The following PPP3R1 variants were observed in gnomAD, a reference collection of about 807,000 sequenced individuals.
PPP3R1 encodes calcineurin subunit B type 1.
Under a neutral mutation model 22.6 loss-of-function variants are expected in PPP3R1, and 5 were observed. The observed-to-expected ratio is 0.22, with a 90% CI of 0.12 to 0.46. PPP3R1 has a LOEUF of 0.46. PPP3R1 is among the 20% of genes least tolerant of loss of function. The probability of loss-of-function intolerance (pLI) is 0.99; values close to 1 mark genes in which losing one functional copy is unlikely to be tolerated. For synonymous variants in PPP3R1, 56 were observed against 65.2 expected (o/e 0.86, Z 0.68); for missense variants, 61 against 203.2 (o/e 0.30, Z 4.25).
intron 2 of PPP3R1, among the ~76,000 whole-genome samples, 164 bp from the exon 3 acceptor site, chr2:68,188,854 T>C (rs963108368): frequency 1.3e-5 from 2 of 152,200 alleles, no homozygotes; most frequent in African/African-American, 2.4e-5. Context: ...AAAAGAGGTA[T>C]ATATTATGTT....
intron 5 of PPP3R1, among the ~76,000 whole-genome samples, chr2:68,181,983 A>G (rs1334880802): frequency 6.6e-6 from 1 of 151,946 alleles, no homozygotes; most frequent in African/African-American, 2.4e-5. Flanking sequence ...TAGGTCATAA[A>G]TGTCCACAGT....
intron 1 of PPP3R1, among the ~76,000 whole-genome samples, chr2:68,232,457 T>TA (rs1669936512): frequency 6.6e-6 from 1 of 150,772 alleles, no homozygotes; most frequent in Non-Finnish European, 1.5e-5. Context: ...AAAAAAATCT[T>TA]ATTTAGATTT....
At chr2:68,193,751 C>T (rs1338206427) in intron 2 of PPP3R1, among the ~76,000 whole-genome samples, 1 of 152,104 alleles carries the variant, frequency 6.6e-6, no homozygotes, top group East Asian at 1.9e-4. Context: ...TTAGCAATCA[C>T]CTACAAATTA....
intron 1 of PPP3R1, among the ~76,000 whole-genome samples, chr2:68,236,029 G>C (rs770046244): frequency 1.3e-5 from 2 of 152,082 alleles, no homozygotes; most frequent in Non-Finnish European, 2.9e-5. Context: ...CTTTTAAATT[G>C]AGTTGTCTTT....
At chr2:68,251,729 AAC>A (rs954318484) in intron 1 of PPP3R1, among the ~76,000 whole-genome samples, 1 of 152,086 alleles carries the variant, frequency 6.6e-6, no homozygotes, top group Non-Finnish European at 1.5e-5. Context: ...GAACTCGAAA[AAC>A]AGAGTGAGTG....
At chr2:68,241,384 T>C (rs1201616815) in intron 1 of PPP3R1, among the ~76,000 whole-genome samples, 1 of 152,204 alleles carries the variant, frequency 6.6e-6, no homozygotes, top group East Asian at 1.9e-4. Context: ...CAACTGTATA[T>C]GTCACAATTT....
chr2:68,249,307 T>C (rs1670293460), intron 1 of PPP3R1, among the ~76,000 whole-genome samples: 1 of 152,172 alleles, frequency 6.6e-6, no homozygotes, highest in Admixed American at 6.5e-5. Context: ...AGGTTTTTTT[T>C]TTTCTAAAAA....
intron 1 of PPP3R1, among the ~76,000 whole-genome samples, chr2:68,225,667 A>G (rs552027097): frequency 6.6e-6 from 1 of 152,376 alleles, no homozygotes; most frequent in Admixed American, 6.5e-5. Context: ...TTTGTTACAC[A>G]GCAACAGAAA....
chr2:68,180,751 T>C lies in PPP3R1; in HGVS notation c.*212A>G. On this transcript the variant is annotated 3_prime_UTR_variant, in exon 6 of 6. Coordinates refer to ENST00000234310, the MANE Select transcript of PPP3R1 (RefSeq NM_000945.4). Reference sequence around the variant, plus strand: ...TTGATATGCTCTTTTCATGTTGCTGTCCTTCAGACTTTAAAGTGCTACACT... The same window carrying C: ...TTGATATGCTCTTTTCATGTTGCTGCCCTTCAGACTTTAAAGTGCTACACT... 1 of 509,300 alleles carries C rather than the reference T, an allele frequency of 2.0e-6. No homozygotes were observed. The highest frequency in any genetic ancestry group is 2.9e-5 in the South Asian group (1 of 34,512). The allele number at this position is 509,300 out of a possible 1,614,324, so 31.5% of individuals were successfully genotyped here. A position where few individuals can be genotyped will look rare whatever the true frequency, so the allele number is the denominator to read the frequency against.
intron 2 of PPP3R1, among the ~76,000 whole-genome samples, chr2:68,192,379 T>C (rs190348794): frequency 5.3e-5 from 8 of 152,272 alleles, no homozygotes; most frequent in Non-Finnish European, 1.0e-4. Context: ...AAACTTTAAG[T>C]GGACAAATCA....
chr2:68,183,484 A>T (rs577550583), intron 5 of PPP3R1, among the ~76,000 whole-genome samples: 2 of 152,298 alleles, frequency 1.3e-5, no homozygotes, highest in East Asian at 3.9e-4. Flanking sequence ...CTCAGAAAAC[A>T]TATTATTTTT....
intron 1 of PPP3R1, among the ~76,000 whole-genome samples, chr2:68,248,164 T>C (rs1670273063): frequency 6.6e-6 from 1 of 152,152 alleles, no homozygotes; most frequent in African/African-American, 2.4e-5. Flanking sequence ...CTTCCATGAC[T>C]TCGAACAGAA....
intron 2 of PPP3R1, among the ~76,000 whole-genome samples, chr2:68,190,648 C>CAA: frequency 6.6e-6 from 1 of 152,060 alleles, no homozygotes; most frequent in East Asian, 1.9e-4. Flanking sequence ...TTAGAGAAAA[C>CAA]AAGTTTAGGG....
intron 1 of PPP3R1, among the ~76,000 whole-genome samples, chr2:68,249,397 T>G (rs1009897613): frequency 6.6e-6 from 1 of 152,138 alleles, no homozygotes; most frequent in African/African-American, 2.4e-5. Flanking sequence ...TAAATTTGTT[T>G]TAAGTTCTAG....
intron 2 of PPP3R1, among the ~76,000 whole-genome samples, chr2:68,207,383 T>A (rs1675151588): frequency 6.6e-6 from 1 of 152,140 alleles, no homozygotes; most frequent in African/African-American, 2.4e-5. Context: ...TTGATTAAAG[T>A]GATAAGAAAG....
chr2:68,199,721 T>A (rs1490519392), intron 2 of PPP3R1, among the ~76,000 whole-genome samples: 1 of 152,244 alleles, frequency 6.6e-6, no homozygotes, highest in Non-Finnish European at 1.5e-5. Flanking sequence ...GATGTTTTTC[T>A]CTTTTGTCAA....
At chr2:68,197,580 AATATATG>A (rs1674813271) in intron 2 of PPP3R1, among the ~76,000 whole-genome samples, 1 of 152,160 alleles carries the variant, frequency 6.6e-6, no homozygotes, top group Non-Finnish European at 1.5e-5. Flanking sequence ...TCCCATCAGC[AATATATG>A]ATTATTTCAG....
At chr2:68,233,329 TA>T (rs1340012641) in intron 1 of PPP3R1, among the ~76,000 whole-genome samples, 1 of 152,220 alleles carries the variant, frequency 6.6e-6, no homozygotes, top group Non-Finnish European at 1.5e-5. Flanking sequence ...AATATGCTTT[TA>T]TAAGTAATTA....
intron 2 of PPP3R1, among the ~76,000 whole-genome samples, chr2:68,190,438 C>T (rs1296601896): frequency 2.0e-5 from 3 of 151,810 alleles, no homozygotes; most frequent in Non-Finnish European, 4.4e-5. Flanking sequence ...GATGGCAGGG[C>T]GCCTGTAATC....
Sources: gnomAD v4.1 joint callset for allele counts (sites outside exome capture counted in the v4.1 genomes callset) on GRCh38, gnomAD v4.1.1 for gene constraint, MANE v1.5 for transcripts, NCBI Gene and HGNC (gene_info 2026-07-23, HGNC 2026-07-21) for gene names.